The following GLIS1 variants were observed in gnomAD, a reference collection of about 807,000 sequenced individuals.
GLIS1 encodes zinc finger protein GLIS1.
Under a neutral mutation model 63.8 loss-of-function variants are expected in GLIS1, and 24 were observed. That is an observed-to-expected ratio of 0.38 (90% confidence interval 0.27 to 0.53). The LOEUF is 0.53. Among genes scored for constraint, GLIS1 ranks in the 20% least tolerant of loss-of-function variants. GLIS1 has a pLI of 0.85. For missense variants in GLIS1, 1,036 were observed against 1,074.1 expected, an observed-to-expected ratio of 0.96 and a Z score of 0.50; for synonymous variants, 450 against 482.5, an observed-to-expected ratio of 0.93 and a Z score of 0.88.
At chr1:53,521,154 G>C (rs1316487599) in intron 6 of GLIS1, among the ~76,000 whole-genome samples, 2 of 152,074 alleles carry the variant, frequency 1.3e-5, no homozygotes, top group East Asian at 3.9e-4. Flanking sequence ...GGAGTCCAGT[G>C]CCTCCTAGGA....
At chr1:53,635,393 T>C (rs1645713110) in intron 2 of GLIS1, among the ~76,000 whole-genome samples, 1 of 152,138 alleles carries the variant, frequency 6.6e-6, no homozygotes, top group Non-Finnish European at 1.5e-5. Flanking sequence ...AAATTTAAAA[T>C]ATTTTGAAAT....
Position 53,674,979 on chromosome 1 carries a change from C to T in GLIS1, c.259+62827G>A, listed in dbSNP as rs138542047. On this transcript the variant is annotated intron_variant, in intron 2 of 10. Transcript: ENST00000628545. The stretch of plus-strand genomic sequence containing the variant: ...TGCCCTGCAGGAGCTGTCACTCACT[C>T]GCCATAGCCCAGGAGCGGCAGGGAC... Among the ~76,000 whole-genome samples, 602 of 152,294 alleles carry T rather than the reference C, an allele frequency of 4.0e-3. 9 individuals are homozygous for T. The highest frequency in any genetic ancestry group is 0.014 in the African/African-American group (583 of 41,564).
chr1:53,612,067 A>G (rs117781272), intron 2 of GLIS1, among the ~76,000 whole-genome samples: 1 of 152,226 alleles, frequency 6.6e-6, no homozygotes, highest in East Asian at 1.9e-4. Context: ...ACTGGCCTCA[A>G]GTGATCTTCC....
At chr1:53,608,380 T>C (rs938618827) in intron 2 of GLIS1, among the ~76,000 whole-genome samples, 2 of 152,224 alleles carry the variant, frequency 1.3e-5, no homozygotes, top group Non-Finnish European at 2.9e-5. Context: ...CACTGGGTGT[T>C]AGGGTTTCAA....
chr1:53,568,781 A>C (rs1018058180), intron 4 of GLIS1, among the ~76,000 whole-genome samples: 1 of 152,094 alleles, frequency 6.6e-6, no homozygotes, highest in African/African-American at 2.4e-5. Flanking sequence ...TTACACCATA[A>C]GTGTAAATTT....
chr1:53,698,867 G>A (rs1444194539), intron 2 of GLIS1, among the ~76,000 whole-genome samples: 1 of 152,084 alleles, frequency 6.6e-6, no homozygotes, highest in African/African-American at 2.4e-5. Flanking sequence ...AACCTGTGCG[G>A]GCAGCACCAA....
chr1:53,556,284 A>G (rs1644824642), intron 4 of GLIS1, among the ~76,000 whole-genome samples: 1 of 107,368 alleles, frequency 9.3e-6, no homozygotes, highest in African/African-American at 3.7e-5. Context: ...GTGTGTGTGC[A>G]GGTGTACTGT....
At chr1:53,524,930 C>A in intron 5 of GLIS1, 43 bp from the exon 6 acceptor site, 1 of 1,437,102 alleles carries the variant, frequency 7.0e-7, no homozygotes, top group Non-Finnish European at 9.8e-7. Context: ...AGGCCCATCC[C>A]TACGGGACAC....
chr1:53,691,878 G>A (rs1646409743), intron 2 of GLIS1, among the ~76,000 whole-genome samples: 1 of 152,094 alleles, frequency 6.6e-6, no homozygotes. Context: ...CTCCGCCCCA[G>A]TGACTGTGTC....
At chr1:53,595,070 G>A in intron 3 of GLIS1, 80 bp from the exon 4 acceptor site, 2 of 1,288,484 alleles carry the variant, frequency 1.6e-6, no homozygotes, top group Middle Eastern at 5.6e-4. Flanking sequence ...AGACAGGGAA[G>A]CTGAGGATCA....
intron 2 of GLIS1, among the ~76,000 whole-genome samples, chr1:53,697,651 A>T (rs1646479843): frequency 6.6e-6 from 1 of 152,106 alleles, no homozygotes; most frequent in South Asian, 2.1e-4. Flanking sequence ...GGAAGGACCT[A>T]CCCATCCATC....
chr1:53,683,102 G>A (rs889121194), intron 2 of GLIS1, among the ~76,000 whole-genome samples: 15 of 152,200 alleles, frequency 9.9e-5, no homozygotes, highest in South Asian at 8.3e-4. Flanking sequence ...AGGTGGCACC[G>A]TGCTTTAGAA....
intron 8 of GLIS1, among the ~76,000 whole-genome samples, chr1:53,510,639 T>G (rs2100254403): frequency 6.6e-6 from 1 of 152,304 alleles, no homozygotes; most frequent in Admixed American, 6.5e-5. Context: ...GGGGTTATGG[T>G]GAGGGTGACA....
At chr1:53,514,924 G>C (rs1350205665) in intron 7 of GLIS1, 143 bp from the exon 8 acceptor site, 1 of 1,070,886 alleles carries the variant, frequency 9.3e-7, no homozygotes, top group Non-Finnish European at 1.3e-6. Flanking sequence ...GAAGTTTAGG[G>C]GCCCCAGTGA....
chr1:53,557,159 G>A (rs546250137), intron 4 of GLIS1, among the ~76,000 whole-genome samples: 11 of 152,144 alleles, frequency 7.2e-5, no homozygotes, highest in Admixed American at 2.0e-4. Context: ...CTCACCTCCC[G>A]AAACACCAGA....
chr1:53,620,039 TTA>T (rs1645525442), intron 2 of GLIS1, among the ~76,000 whole-genome samples: 1 of 152,178 alleles, frequency 6.6e-6, no homozygotes, highest in Non-Finnish European at 1.5e-5. Context: ...ACAACTTGGT[TTA>T]TGAGTGTGTC....
chr1:53,717,923 T>C (rs1023457638), intron 2 of GLIS1, among the ~76,000 whole-genome samples: 1 of 151,836 alleles, frequency 6.6e-6, no homozygotes, highest in African/African-American at 2.4e-5. Context: ...TGCAGGCACA[T>C]GACCTAGGCT....
In GLIS1 at chr1:53,574,508, C is replaced by T. The variant is rs1645013430; in HGVS notation, c.1320+19600G>A. Reference sequence around the variant, plus strand: ...CTCTCAGGCTCTGCTCTGGGACACCCACCTAAACACCATTGTACAGGTGAG... The same window carrying T: ...CTCTCAGGCTCTGCTCTGGGACACCTACCTAAACACCATTGTACAGGTGAG... On this transcript the variant is annotated intron_variant, in intron 4 of 10. Transcript: ENST00000628545. The surrounding 1 kb of genome is among the most constrained non-coding windows in gnomAD (Gnocchi z 4.2). Among the ~76,000 whole-genome samples the T allele has an allele frequency of 6.6e-6, 1 of 152,230 alleles. No individual in the cohort carries two copies. Among genetic ancestry groups the T allele is most frequent in the Non-Finnish European group, 1.5e-5 (1 of 68,052 alleles).
At chr1:53,686,625 G>A (rs1646339530) in intron 2 of GLIS1, among the ~76,000 whole-genome samples, 1 of 152,162 alleles carries the variant, frequency 6.6e-6, no homozygotes, top group African/African-American at 2.4e-5. Context: ...AGGGAAAACA[G>A]TGCTCATCTC....
Sources: gnomAD v4.1 joint callset for allele counts (sites outside exome capture counted in the v4.1 genomes callset) on GRCh38, gnomAD v4.1.1 for gene constraint, Gnocchi (gnomAD v3.1) non-coding constraint, MANE v1.5 for transcripts, NCBI Gene and HGNC (gene_info 2026-07-23, HGNC 2026-07-21) for gene names.